The following VMP1 variants were observed in gnomAD, a reference collection of about 807,000 sequenced individuals.
VMP1 encodes ectopic P-granules autophagy protein 3 homolog.
VMP1 carries 11 observed loss-of-function variants against 56.0 expected under a neutral mutation model. The ratio of observed to expected loss-of-function variants is 0.20; its 90% confidence interval spans 0.12 to 0.32. The LOEUF (loss-of-function observed/expected upper bound fraction) is 0.32, where lower values mean the gene tolerates loss of function less well. Among genes scored for constraint, VMP1 ranks in the 10% least tolerant of loss-of-function variants. The pLI, the probability that VMP1 is intolerant of heterozygous loss-of-function variation, is 1.00. For synonymous variants in VMP1, 149 were observed against 165.0 expected (o/e 0.90, Z 0.74); for missense variants, 296 against 490.3 (o/e 0.60, Z 3.74).
chr17:59,742,627 C>T (rs1356809106), intron 5 of VMP1, among the ~76,000 whole-genome samples: 1 of 151,810 alleles, frequency 6.6e-6, no homozygotes, highest in Non-Finnish European at 1.5e-5. Flanking sequence ...TTCTAATACA[C>T]CAGGGGTCCC....
At position 59,792,521 on chromosome 17, in the gene VMP1, A is replaced by G. The variant is rs151159585; in HGVS notation, c.715-16275A>G. The stretch of plus-strand genomic sequence containing the variant: ...CTAGTATTATTGTTATGTTTTATAC[A>G]TAGCAGATTGTCATCTACTGATTTT... On this transcript the variant is annotated intron_variant, in intron 7 of 11. Transcript: ENST00000262291. Among the ~76,000 whole-genome samples the G allele has an allele frequency of 1.9e-3, 290 of 152,162 alleles. 2 individuals carry two copies. The highest frequency in any genetic ancestry group is 0.014 in the Admixed American group (210 of 15,272).
At chr17:59,745,845 GAAAC>G (rs2143873206) in intron 5 of VMP1, among the ~76,000 whole-genome samples, 1 of 152,236 alleles carries the variant, frequency 6.6e-6, no homozygotes, top group East Asian at 1.9e-4. Flanking sequence ...TGGTGAAAAA[GAAAC>G]TAATTTTAAC....
chr17:59,747,819 C>T (rs912970341), intron 5 of VMP1, among the ~76,000 whole-genome samples: 8 of 151,862 alleles, frequency 5.3e-5, no homozygotes, highest in Non-Finnish European at 7.4e-5. Flanking sequence ...TACTTGAGCC[C>T]AGGAGTTTAA....
chr17:59,764,967 A>G lies in VMP1; in HGVS notation c.415-4A>G. 1.3e-6 allele frequency: 2 copies of G among 1,561,240 alleles called. No homozygotes were observed. Among genetic ancestry groups the G allele is most frequent in the Non-Finnish European group, 1.7e-6 (2 of 1,156,528 alleles). ...ATCAGAAGTTTCTTGTATTTGTTTT[A>G]TAGGGTCCACATATAGCCTCAGTTA... On this transcript the variant is annotated splice_polypyrimidine_tract_variant and splice_region_variant and intron_variant, in intron 5 of 11. Transcript: ENST00000262291.
At chr17:59,769,301 G>A (rs1055570501) in intron 6 of VMP1, among the ~76,000 whole-genome samples, 8 of 151,460 alleles carry the variant, frequency 5.3e-5, no homozygotes, top group Non-Finnish European at 1.0e-4. Flanking sequence ...ACAGGCATGC[G>A]CCACCATGCC....
At chr17:59,765,717 G>A (rs2036208223) in intron 6 of VMP1, among the ~76,000 whole-genome samples, 1 of 152,078 alleles carries the variant, frequency 6.6e-6, no homozygotes, top group Non-Finnish European at 1.5e-5. Flanking sequence ...GAAAGAAGGG[G>A]TTGGTCTTGC....
intron 10 of VMP1, among the ~76,000 whole-genome samples, chr17:59,830,362 CTT>C (rs1314788871): frequency 6.6e-6 from 1 of 152,186 alleles, no homozygotes; most frequent in African/African-American, 2.4e-5. Context: ...GCTGAGCACT[CTT>C]TTCTTTTTAT....
chr17:59,722,202 C>T (rs549281408), intron 1 of VMP1, among the ~76,000 whole-genome samples: 170 of 152,292 alleles, frequency 1.1e-3, no homozygotes, highest in African/African-American at 3.9e-3. Context: ...CAAGCATATA[C>T]TCTCCTTATA....
chr17:59,781,503 T>G (rs1421225289), intron 7 of VMP1, among the ~76,000 whole-genome samples: 3 of 152,180 alleles, frequency 2.0e-5, no homozygotes, highest in Non-Finnish European at 4.4e-5. Context: ...ATAAAATTAT[T>G]TTTTATTACG....
intron 5 of VMP1, among the ~76,000 whole-genome samples, chr17:59,747,485 C>T (rs1412514096): frequency 6.6e-6 from 1 of 151,088 alleles, no homozygotes; most frequent in Non-Finnish European, 1.5e-5. Flanking sequence ...TCTCGGCTCG[C>T]CACAACTTCT....
chr17:59,759,893 G>GT (rs1265806445), intron 5 of VMP1, among the ~76,000 whole-genome samples: 152 of 95,732 alleles, frequency 1.6e-3, no homozygotes, highest in African/African-American at 5.3e-3. Flanking sequence ...GTTTTGTTTT[G>GT]TTTTTTGGTG....
chr17:59,817,647 A>G lies in VMP1; in HGVS notation c.913-65A>G, dbSNP rs796200645. ...CTTACCTCTTTAGACTATTACCAGA[A>G]TTGTGAATTTATGTTGGTTTTTTGA... is the stretch of plus-strand genomic sequence containing the variant. On this transcript the variant is annotated intron_variant, in intron 9 of 11. Coordinates refer to ENST00000262291, the MANE Select transcript of VMP1 (RefSeq NM_030938.5). The G allele has an allele frequency of 3.4e-5, 42 of 1,235,682 alleles. No homozygotes were observed. The African/African-American group carries it at 4.9e-4, about 14-fold the overall frequency. 76.5% of individuals were successfully genotyped at this position (1,235,682 alleles called of 1,614,324 possible).
At chr17:59,719,554 A>G (rs1289006751) in intron 1 of VMP1, among the ~76,000 whole-genome samples, 1 of 151,986 alleles carries the variant, frequency 6.6e-6, no homozygotes. Context: ...ATGAAAATCA[A>G]TGGTTTTGTT....
intron 5 of VMP1, among the ~76,000 whole-genome samples, chr17:59,744,128 G>A (rs1387534987): frequency 2.0e-5 from 3 of 148,912 alleles, no homozygotes; most frequent in Admixed American, 2.0e-4. Flanking sequence ...GTTGGATTTT[G>A]TCCCCCAAAA....
chr17:59,841,240 G>A lies in VMP1; in HGVS notation c.*1329G>A, dbSNP rs193062491. The A allele has an allele frequency of 4.0e-5, 19 of 475,674 alleles. No homozygotes were observed. Among genetic ancestry groups the A allele is most frequent in the Middle Eastern group, 3.4e-4 (1 of 2,924 alleles). The allele number at this position is 475,674 out of a possible 1,614,324, so 29.5% of individuals were successfully genotyped here. ...CTGTCTGCTTGTTTTGCCTACCATCGTGACATCTCCATGGCTGTACCACCT... is the reference window on the plus strand; with the variant it reads ...CTGTCTGCTTGTTTTGCCTACCATCATGACATCTCCATGGCTGTACCACCT... On this transcript the variant is annotated 3_prime_UTR_variant, in exon 12 of 12. Transcript: ENST00000262291.
At chr17:59,747,958 A>G (rs1056981438) in intron 5 of VMP1, among the ~76,000 whole-genome samples, 3 of 151,552 alleles carry the variant, frequency 2.0e-5, no homozygotes, top group African/African-American at 4.8e-5. Flanking sequence ...GCACTTTGGG[A>G]GGCCAAGACG....
chr17:59,816,970 G>A (rs1433675078), intron 9 of VMP1, among the ~76,000 whole-genome samples: 4 of 120,914 alleles, frequency 3.3e-5, no homozygotes, highest in African/African-American at 3.2e-5. Context: ...AAAAAAGAAA[G>A]AAAGAAAAAA....
chr17:59,842,151 C>G lies in VMP1; in HGVS notation c.*2240C>G, dbSNP rs2039176118. The G allele has an allele frequency of 6.6e-6, 1 of 152,102 alleles. No individual in the cohort carries two copies. Among genetic ancestry groups the G allele is most frequent in the African/African-American group, 2.4e-5 (1 of 41,400 alleles). The allele number at this position is 152,102 out of a possible 1,614,324, so 9.4% of individuals were successfully genotyped here. On this transcript the variant is annotated 3_prime_UTR_variant, in exon 12 of 12. Transcript: ENST00000262291. ...TACATGATCTCAAAGATACACAGTA[C>G]CTACTTAATTCCAGCTGATGGGAGA...
intron 7 of VMP1, among the ~76,000 whole-genome samples, chr17:59,790,856 TCTC>T (rs988844136): frequency 6.6e-6 from 1 of 152,274 alleles, no homozygotes; most frequent in Non-Finnish European, 1.5e-5. Context: ...GTCAAATACT[TCTC>T]ATTTCCTCTC....
Sources: gnomAD v4.1 joint callset for allele counts (sites outside exome capture counted in the v4.1 genomes callset) on GRCh38, gnomAD v4.1.1 for gene constraint, MANE v1.5 for transcripts, NCBI Gene and HGNC (gene_info 2026-07-23, HGNC 2026-07-21) for gene names.